PUDP: variants seen among roughly 807,000 people sequenced by gnomAD.
The protein encoded by PUDP is pseudouridine 5'-phosphatase.
PUDP carries 8 observed loss-of-function variants against 9.4 expected under a neutral mutation model. That is an observed-to-expected ratio of 0.85 (90% CI 0.50 to 1.53). The LOEUF is 1.53. PUDP is among the 40% of genes most tolerant of loss of function. PUDP has a pLI of 0.00. For missense variants in PUDP, 188 were observed against 189.7 expected (o/e 0.99, Z 0.05); for synonymous variants, 99 against 80.7 (o/e 1.23, Z -1.22).
chrX:6,993,105 G>A lies in PUDP; in HGVS notation c.205-14762C>T, dbSNP rs1272604451. Among the ~76,000 whole-genome samples the A allele has an allele frequency of 2.7e-5, 3 of 111,726 alleles. No homozygotes were observed. The East Asian group carries it at 8.5e-4, about 32-fold the overall frequency. On this transcript the variant is annotated intron_variant and NMD_transcript_variant, in intron 1 of 3. Coordinates refer to the PUDP transcript ENST00000655425. ...TTTTGAGGTTTTGGGACTCAGACTG[G>A]CTTCCTTCCTCCTTGGCTTGTAGAC...
At chrX:6,871,922 T>C (rs1927180782) in intron 3 of PUDP, among the ~76,000 whole-genome samples, 2 of 111,989 alleles carry the variant, frequency 1.8e-5, no homozygotes, top group African/African-American at 6.5e-5. Flanking sequence ...ATCATAGTTA[T>C]GGGAGCTGAA....
intron 3 of PUDP, among the ~76,000 whole-genome samples, chrX:6,760,000 C>T (rs1405423698): frequency 8.9e-6 from 1 of 111,890 alleles, no homozygotes; most frequent in Non-Finnish European, 1.9e-5. Flanking sequence ...CCACTTCTTC[C>T]CTGTGTGTTG....
chrX:6,884,068 C>T (rs1374554785), intron 3 of PUDP, among the ~76,000 whole-genome samples: 9 of 111,372 alleles, frequency 8.1e-5, no homozygotes, highest in Non-Finnish European at 1.5e-4. Flanking sequence ...TCTTGATCTC[C>T]TGACGTCGTG....
chrX:6,915,801 T>C (rs1326149760), intron 3 of PUDP, among the ~76,000 whole-genome samples: 1 of 111,963 alleles, frequency 8.9e-6, no homozygotes, highest in Non-Finnish European at 1.9e-5. Flanking sequence ...TTGTCCACAA[T>C]AGCATCTGTT....
At chrX:7,116,942 T>C (rs1001221702) in intron 1 of PUDP, 2 of 1,165,341 alleles carry the variant, frequency 1.7e-6, no homozygotes, top group Non-Finnish European at 2.3e-6. Context: ...GCTTTTGCCA[T>C]GTTACATGCC....
chrX:6,886,677 C>A (rs1032260187), intron 3 of PUDP, among the ~76,000 whole-genome samples: 1 of 110,968 alleles, frequency 9.0e-6, no homozygotes, highest in Non-Finnish European at 1.9e-5. Flanking sequence ...AGCAGCTGCC[C>A]AGCACCTAGT....
intron 3 of PUDP, among the ~76,000 whole-genome samples, chrX:7,051,388 T>A (rs768950457): frequency 1.8e-5 from 2 of 111,043 alleles, no homozygotes; most frequent in Non-Finnish European, 3.8e-5. Flanking sequence ...TTTTGGGGAC[T>A]AGCGGGGTGA....
At chrX:6,716,051 T>C (rs1924595476) in intron 1 of PUDP, among the ~76,000 whole-genome samples, 1 of 106,575 alleles carries the variant, frequency 9.4e-6, no homozygotes, top group Admixed American at 1.0e-4. Context: ...ATCACCAAAA[T>C]AAAAGAAAGG....
chrX:7,139,666 TG>T (rs1932777411), intron 1 of PUDP, among the ~76,000 whole-genome samples: 1 of 112,202 alleles, frequency 8.9e-6, no homozygotes, highest in Admixed American at 9.4e-5. Flanking sequence ...AACAGTCTAT[TG>T]GGAGTCAAAG....
At chrX:6,857,374 G>A (rs1008604684) in intron 3 of PUDP, among the ~76,000 whole-genome samples, 2 of 112,896 alleles carry the variant, frequency 1.8e-5, no homozygotes, top group East Asian at 2.8e-4. Context: ...AGAGAAAACC[G>A]TGGAAATTGA....
intron 1 of PUDP, among the ~76,000 whole-genome samples, chrX:7,122,390 C>A (rs1320838750): frequency 9.0e-6 from 1 of 111,682 alleles, no homozygotes; most frequent in African/African-American, 3.3e-5. Context: ...GCAAAAAGAA[C>A]TTTTAATTTT....
At chrX:7,002,151 C>T (rs1409654938) in intron 1 of PUDP, among the ~76,000 whole-genome samples, 2 of 111,039 alleles carry the variant, frequency 1.8e-5, no homozygotes, top group African/African-American at 6.6e-5. Flanking sequence ...AAAGAAAATA[C>T]CTGAATGAAG....
rs777583117 is a variant in PUDP, at chrX:6,959,815, G to A, written c.*247+17318C>T. Among the ~76,000 whole-genome samples, 3 of 112,794 alleles carry A rather than the reference G, an allele frequency of 2.7e-5. No individual in the cohort carries two copies. In the East Asian group the frequency reaches 8.4e-4, roughly 32 times the overall value. ...ACTTCCACCCCAGGGTATCTACAAG[G>A]TGGAATATAGAGTCAAGAAATACTA... On this transcript the variant is annotated intron_variant and NMD_transcript_variant, in intron 3 of 3. Transcript: ENST00000655425.
intron 3 of PUDP, among the ~76,000 whole-genome samples, chrX:6,747,543 C>A (rs1925014772): frequency 8.9e-6 from 1 of 111,836 alleles, no homozygotes; most frequent in African/African-American, 3.2e-5. Flanking sequence ...TTTGGAAATA[C>A]AGGAAATAAT....
intron 1 of PUDP, among the ~76,000 whole-genome samples, chrX:6,718,923 A>C (rs1216810002): frequency 9.0e-6 from 1 of 111,000 alleles, no homozygotes; most frequent in Non-Finnish European, 1.9e-5. Flanking sequence ...CCAAAAGGGA[A>C]GTTTCAGTGC....
intron 3 of PUDP, among the ~76,000 whole-genome samples, chrX:6,940,647 T>C (rs1012611180): frequency 5.4e-5 from 6 of 111,685 alleles, no homozygotes; most frequent in African/African-American, 2.0e-4. Context: ...TTAAGAACTA[T>C]GATGGAGTAC....
chrX:6,827,642 A>G (rs1242836861), intron 3 of PUDP, among the ~76,000 whole-genome samples: 1 of 112,014 alleles, frequency 8.9e-6, no homozygotes, highest in Non-Finnish European at 1.9e-5. Flanking sequence ...ACATTTGTGC[A>G]GAATTTTGTC....
In PUDP at chrX:6,758,324, A is replaced by G. The variant is rs762832545; in HGVS notation, c.*248-51858T>C. ...AAAAATTTTTTTTAATTAGCTGGGCATGGTGGCATGCACCTCTGGTCCCTG... is the reference window on the plus strand; with the variant it reads ...AAAAATTTTTTTTAATTAGCTGGGCGTGGTGGCATGCACCTCTGGTCCCTG... On this transcript the variant is annotated intron_variant and NMD_transcript_variant, in intron 3 of 3. Coordinates refer to the PUDP transcript ENST00000655425. Among the ~76,000 whole-genome samples, 6 of 110,449 alleles carry G rather than the reference A, an allele frequency of 5.4e-5. No individual in the cohort carries two copies. In the South Asian group the frequency reaches 2.4e-3, roughly 44 times the overall value.
intron 3 of PUDP, among the ~76,000 whole-genome samples, chrX:6,965,498 T>C (rs759833367): frequency 8.9e-6 from 1 of 112,523 alleles, no homozygotes; most frequent in East Asian, 2.8e-4. Context: ...GCCCATTTTG[T>C]TTGCAAATCA....
Sources: allele counts gnomAD v4.1 joint callset (sites outside exome capture counted in the v4.1 genomes callset), GRCh38; gene constraint gnomAD v4.1.1; transcripts MANE v1.5; gene names NCBI Gene and HGNC (gene_info 2026-07-23, HGNC 2026-07-21).